The following PRSS23 variants were observed in gnomAD, a reference collection of about 807,000 sequenced individuals.
PRSS23 encodes serine protease 23.
A neutral mutation model predicts 34.7 loss-of-function variants in PRSS23; 25 were observed. The ratio of observed to expected loss-of-function variants is 0.72; its 90% CI spans 0.53 to 1.01. The LOEUF is 1.01. Ranked by LOEUF, PRSS23 falls within the 50% of genes least tolerant of loss-of-function variation. The probability of loss-of-function intolerance (pLI) is 0.00; values close to 1 mark genes in which losing one functional copy is unlikely to be tolerated. For synonymous variants in PRSS23, 176 were observed against 186.6 expected (o/e 0.94, Z 0.46); for missense variants, 445 against 475.6 (o/e 0.94, Z 0.60).
chr11:86,865,096 A>AC (rs557199210), intron 2 of PRSS23, among the ~76,000 whole-genome samples: 106 of 152,304 alleles, frequency 7.0e-4, no homozygotes, highest in African/African-American at 2.5e-3. Context: ...GTAGGAGGGG[A>AC]CAGAGGCATT....
At chr11:86,848,745 G>T (rs373489830) in intron 2 of PRSS23, among the ~76,000 whole-genome samples, 38 of 152,290 alleles carry the variant, frequency 2.5e-4, no homozygotes, top group African/African-American at 8.2e-4. Flanking sequence ...CAACCTCGTT[G>T]TTCTATAACA....
chr11:86,909,345 G>A (rs1301723423), intron 2 of PRSS23: 1 of 152,228 alleles, frequency 6.6e-6, no homozygotes, highest in Non-Finnish European at 1.5e-5. Context: ...GTTCCTGATA[G>A]CACTCCCCTG....
rs199994092 is a variant in PRSS23 at position 86,900,771 on chromosome 11, A to ATCTCTC, written c.207-50439_207-50434dup. Among the ~76,000 whole-genome samples, 343 of 126,766 alleles carry ATCTCTC rather than the reference A, an allele frequency of 2.7e-3. 10 individuals carry two copies. Among genetic ancestry groups the ATCTCTC allele is most frequent in the African/African-American group, 2.8e-3 (86 of 30,938 alleles). The allele number at this position is 126,766 out of a possible 152,430, so 83.2% of individuals were successfully genotyped here. A position where few individuals can be genotyped will look rare whatever the true frequency, so the allele number is the denominator to read the frequency against. The stretch of plus-strand genomic sequence containing the variant: ...CACTCCTTCAAATTTCAGCATTATT[A>ATCTCTC]TCTCTCTCTCTTTTTTTTTTTTTTT... On this transcript the variant is annotated intron_variant, in intron 2 of 2. Coordinates refer to the PRSS23 transcript ENST00000533902.
At chr11:86,925,341 T>G (rs1401798260) in intron 2 of PRSS23, among the ~76,000 whole-genome samples, 2 of 151,406 alleles carry the variant, frequency 1.3e-5, no homozygotes, top group African/African-American at 4.9e-5. Context: ...TCGTTTACAT[T>G]TATATGCATG....
At chr11:86,824,496 T>A (rs1407931378) in intron 2 of PRSS23, among the ~76,000 whole-genome samples, 3 of 151,272 alleles carry the variant, frequency 2.0e-5, no homozygotes, top group Non-Finnish European at 2.9e-5. Flanking sequence ...ATTATTAGTA[T>A]ACTTTAAGTT....
At chr11:86,923,049 C>T (rs1949056763) in intron 2 of PRSS23, among the ~76,000 whole-genome samples, 1 of 151,670 alleles carries the variant, frequency 6.6e-6, no homozygotes, top group African/African-American at 2.4e-5. Flanking sequence ...TTTTTATATC[C>T]ATTACATGTT....
Position 86,917,057 on chromosome 11 carries a change from C to T in PRSS23, c.207-34159C>T, listed in dbSNP as rs143193796. On this transcript the variant is annotated intron_variant, in intron 2 of 2. Coordinates refer to the PRSS23 transcript ENST00000533902. ...TTGTGGAGCCGGGCGCGGTCGCTCACGCCTGTAATCCCAGCACTTTGGGAG... is the reference window on the plus strand; with the variant it reads ...TTGTGGAGCCGGGCGCGGTCGCTCATGCCTGTAATCCCAGCACTTTGGGAG... Among the ~76,000 whole-genome samples, 332 of 152,350 alleles carry T rather than the reference C, an allele frequency of 2.2e-3. 1 individual carries two copies. The highest frequency in any genetic ancestry group is 7.4e-3 in the African/African-American group (308 of 41,584).
At chr11:86,907,644 G>A (rs1028743061) in intron 2 of PRSS23, among the ~76,000 whole-genome samples, 25 of 152,074 alleles carry the variant, frequency 1.6e-4, no homozygotes, top group Admixed American at 1.3e-4. Context: ...ATTTTTCGTA[G>A]AGACAGAGTC....
chr11:86,938,368 C>T (rs954744308), intron 2 of PRSS23, among the ~76,000 whole-genome samples: 1 of 152,154 alleles, frequency 6.6e-6, no homozygotes, highest in Non-Finnish European at 1.5e-5. Context: ...AACGTGTATG[C>T]AGGGACTTGA....
intron 1 of PRSS23, among the ~76,000 whole-genome samples, chr11:86,804,791 C>A (rs561619296): frequency 2.8e-4 from 43 of 152,232 alleles, no homozygotes; most frequent in African/African-American, 1.0e-3. Context: ...TACATTTGAT[C>A]CTCTATATTG....
intron 1 of PRSS23, among the ~76,000 whole-genome samples, chr11:86,807,414 A>G (rs562027527): frequency 4.1e-4 from 63 of 152,312 alleles, no homozygotes; most frequent in African/African-American, 1.3e-3. Flanking sequence ...AGGAACACCC[A>G]ATTTCACTTC....
Position 86,826,181 on chromosome 11 carries a change from G to A in PRSS23, c.206+2588G>A, listed in dbSNP as rs1371245205. 6.6e-5 allele frequency among the ~76,000 whole-genome samples: 10 copies of A among 151,970 alleles called. No individual in the cohort carries two copies. In the East Asian group the frequency reaches 1.7e-3, roughly 26 times the overall value. ...TGAGCAGTGGTTTGTAGTTCTCCTTGAAGAGGTCCTTCACGTCCCTTGTAA... is the reference window on the plus strand; with the variant it reads ...TGAGCAGTGGTTTGTAGTTCTCCTTAAAGAGGTCCTTCACGTCCCTTGTAA... On this transcript the variant is annotated intron_variant, in intron 2 of 2. Coordinates refer to the PRSS23 transcript ENST00000533902.
At position 86,895,206 on chromosome 11, in the gene PRSS23, T is replaced by G. The variant is rs181365585; in HGVS notation, c.207-56010T>G. ...CAGGACAGTATGGCATATTAGAAAG[T>G]GAGACAAATTTTGAATACCACAGAC... On this transcript the variant is annotated intron_variant, in intron 2 of 2. Transcript: ENST00000533902. 1.0e-3 allele frequency among the ~76,000 whole-genome samples: 156 copies of G among 152,306 alleles called. 1 individual carries two copies. The highest frequency in any genetic ancestry group is 3.4e-3 in the African/African-American group (142 of 41,570).
chr11:86,792,272 T>G, intron 1 of PRSS23, among the ~76,000 whole-genome samples: 1 of 152,190 alleles, frequency 6.6e-6, no homozygotes, highest in Non-Finnish European at 1.5e-5. Context: ...AGCCATTTCT[T>G]GCAGCAGCTG....
intron 2 of PRSS23, among the ~76,000 whole-genome samples, chr11:86,851,885 G>C (rs1048533296): frequency 6.6e-6 from 1 of 152,180 alleles, no homozygotes; most frequent in African/African-American, 2.4e-5. Context: ...TCATGAGTGA[G>C]ATGTCTATGA....
At chr11:86,848,267 GAAAA>G (rs893062173) in intron 2 of PRSS23, among the ~76,000 whole-genome samples, 1 of 151,962 alleles carries the variant, frequency 6.6e-6, no homozygotes, top group Non-Finnish European at 1.5e-5. Context: ...AAGTCCTACT[GAAAA>G]AAAAGCAGCT....
intron 2 of PRSS23, among the ~76,000 whole-genome samples, chr11:86,889,378 T>G (rs1367453448): frequency 6.6e-6 from 1 of 152,150 alleles, no homozygotes; most frequent in East Asian, 1.9e-4. Context: ...AGAAATATAT[T>G]TCTTATAGTT....
At chr11:86,923,628 G>A (rs1949061170) in intron 2 of PRSS23, among the ~76,000 whole-genome samples, 2 of 152,124 alleles carry the variant, frequency 1.3e-5, no homozygotes, top group Admixed American at 1.3e-4. Context: ...ATGATCATAT[G>A]AACTTTAGAC....
In PRSS23 at chr11:86,805,192, T is replaced by C. The variant is rs1446241626; in HGVS notation, c.-13-2439T>C. Among the ~76,000 whole-genome samples the C allele has an allele frequency of 5.9e-5, 9 of 152,274 alleles. No homozygotes were observed. The East Asian group carries it at 1.7e-3, about 29-fold the overall frequency. ...ATTCTGGTGTGAGTGGGGCATTTAG[T>C]CACCTAGACAGCAACTTATATAGAG... On this transcript the variant is annotated intron_variant, in intron 1 of 1. Transcript: ENST00000280258.
Sources: allele counts gnomAD v4.1 joint callset (sites outside exome capture counted in the v4.1 genomes callset), GRCh38; gene constraint gnomAD v4.1.1; transcripts MANE v1.5; gene names NCBI Gene and HGNC (gene_info 2026-07-23, HGNC 2026-07-21).